Variants in LARP1B observed in about 807,000 individuals in gnomAD.
LARP1B encodes la-related protein 1B.
Under a neutral mutation model 114.2 loss-of-function variants are expected in LARP1B, and 76 were observed. That is an observed-to-expected ratio of 0.67 (90% CI 0.55 to 0.81). LARP1B has a LOEUF of 0.81. Among genes scored for constraint, LARP1B ranks in the 30% least tolerant of loss-of-function variants. LARP1B has a pLI of 0.00. For synonymous variants in LARP1B, 345 were observed against 348.0 expected (o/e 0.99, Z 0.10); for missense variants, 1,014 against 1,075.8 (o/e 0.94, Z 0.80).
At chr4:128,074,065 T>G (rs11098946) in intron 1 of LARP1B, among the ~76,000 whole-genome samples, 4 of 151,756 alleles carry the variant, frequency 2.6e-5, no homozygotes, top group African/African-American at 9.7e-5. Context: ...CTCAGCCTCC[T>G]GAGTATCTGG....
intron 12 of LARP1B, among the ~76,000 whole-genome samples, chr4:128,167,382 A>C (rs1422134072): frequency 6.6e-6 from 1 of 151,986 alleles, no homozygotes; most frequent in East Asian, 1.9e-4. Context: ...AGAGATCTCT[A>C]ATCAGGTCTT....
chr4:128,149,265 GGACCA>G (rs779729885), intron 11 of LARP1B, among the ~76,000 whole-genome samples: 1 of 152,108 alleles, frequency 6.6e-6, no homozygotes, highest in Non-Finnish European at 1.5e-5. Context: ...AGGTGAGGTG[GGACCA>G]GATTGCAAAG....
At chr4:128,155,330 T>G in intron 11 of LARP1B, 1 of 524,580 alleles carries the variant, frequency 1.9e-6, no homozygotes, top group Non-Finnish European at 3.4e-6. Context: ...GTGGTCAAAA[T>G]CTGGAAAGAG....
At chr4:128,189,823 C>T (rs1179591992) in intron 15 of LARP1B, among the ~76,000 whole-genome samples, 1 of 152,188 alleles carries the variant, frequency 6.6e-6, no homozygotes, top group Non-Finnish European at 1.5e-5. Flanking sequence ...AAACTCTACA[C>T]TTCAACTCCA....
chr4:128,169,705 C>T (rs1352705372), intron 12 of LARP1B, among the ~76,000 whole-genome samples: 1 of 152,008 alleles, frequency 6.6e-6, no homozygotes, highest in African/African-American at 2.4e-5. Context: ...GGTACAATCT[C>T]GGCTCACTGC....
At chr4:128,169,949 A>G (rs944124148) in intron 12 of LARP1B, among the ~76,000 whole-genome samples, 15 of 152,020 alleles carry the variant, frequency 9.9e-5, no homozygotes, top group African/African-American at 3.4e-4. Context: ...AATTCTATGT[A>G]TTTTTATTTA....
intron 17 of LARP1B, among the ~76,000 whole-genome samples, chr4:128,204,249 T>G (rs1047243304): frequency 2.6e-5 from 4 of 152,016 alleles, no homozygotes; most frequent in African/African-American, 9.7e-5. Context: ...CCTCAAAGAT[T>G]CTGGTTTTGG....
At chr4:128,149,951 G>T (rs554079245) in intron 11 of LARP1B, among the ~76,000 whole-genome samples, 86 of 152,280 alleles carry the variant, frequency 5.6e-4, no homozygotes, top group Non-Finnish European at 1.1e-3. Flanking sequence ...AGGAGTTCGA[G>T]ACCATCCTGG....
At chr4:128,205,877 A>C (rs1383879796) in intron 17 of LARP1B, among the ~76,000 whole-genome samples, 1 of 152,200 alleles carries the variant, frequency 6.6e-6, no homozygotes, top group Non-Finnish European at 1.5e-5. Flanking sequence ...GGTCATACTG[A>C]ACTGTCCAAG....
chr4:128,202,514 T>C (rs1414809887), intron 17 of LARP1B, among the ~76,000 whole-genome samples: 1 of 152,346 alleles, frequency 6.6e-6, no homozygotes, highest in East Asian at 1.9e-4. Flanking sequence ...AGGTAAAATA[T>C]TTTTCATGGT....
chr4:128,173,259 T>C (rs1219857015), intron 12 of LARP1B, among the ~76,000 whole-genome samples: 2 of 152,166 alleles, frequency 1.3e-5, no homozygotes, highest in African/African-American at 2.4e-5. Context: ...CATTTACATA[T>C]GGCCTCTCGC....
chr4:128,084,616 G>C (rs535123016), intron 5 of LARP1B, among the ~76,000 whole-genome samples: 1 of 151,924 alleles, frequency 6.6e-6, no homozygotes, highest in Non-Finnish European at 1.5e-5. Context: ...GAGACCGAGA[G>C]GGAGAGGGGA....
intron 10 of LARP1B, among the ~76,000 whole-genome samples, chr4:128,118,721 C>G (rs1167543726): frequency 6.6e-6 from 1 of 151,798 alleles, no homozygotes; most frequent in Non-Finnish European, 1.5e-5. Flanking sequence ...TTCATTATTT[C>G]CATCATTGTT....
At chr4:128,165,180 G>T (rs1740233002) in intron 12 of LARP1B, among the ~76,000 whole-genome samples, 2 of 151,652 alleles carry the variant, frequency 1.3e-5, no homozygotes, top group Admixed American at 1.3e-4. Context: ...CATCTGGAAG[G>T]TCTGCACATG....
chr4:128,150,962 C>T (rs1001121438), intron 11 of LARP1B, among the ~76,000 whole-genome samples: 10 of 152,118 alleles, frequency 6.6e-5, no homozygotes, highest in African/African-American at 1.7e-4. Flanking sequence ...CTTTGAAAGA[C>T]AATGCCATTT....
At chr4:128,133,526 C>T (rs1407913457) in intron 11 of LARP1B, among the ~76,000 whole-genome samples, 1 of 152,156 alleles carries the variant, frequency 6.6e-6, no homozygotes, top group Non-Finnish European at 1.5e-5. Flanking sequence ...CGTGGAATCT[C>T]ATGGGGCCTT....
At chr4:128,077,724 A>G (rs1388401525) in intron 3 of LARP1B, 64 bp from the exon 4 acceptor site, 30 of 1,440,726 alleles carry the variant, frequency 2.1e-5, no homozygotes, top group African/African-American at 4.3e-5. Flanking sequence ...TATTGCCACA[A>G]ATTTTTGGGT....
chr4:128,133,549 CATT>C (rs1321818197), intron 11 of LARP1B, among the ~76,000 whole-genome samples: 2 of 152,152 alleles, frequency 1.3e-5, no homozygotes, highest in African/African-American at 4.8e-5. Context: ...ATAGTCAAAA[CATT>C]ATTATTGAAA....
At chr4:128,125,984 C>A (rs772651038) in intron 11 of LARP1B, among the ~76,000 whole-genome samples, 2 of 152,032 alleles carry the variant, frequency 1.3e-5, no homozygotes, top group Non-Finnish European at 2.9e-5. Flanking sequence ...TATCTTAGAC[C>A]TCCTTTATTC....
Sources: gnomAD v4.1 joint callset for allele counts (sites outside exome capture counted in the v4.1 genomes callset) on GRCh38, gnomAD v4.1.1 for gene constraint, MANE v1.5 for transcripts, NCBI Gene and HGNC (gene_info 2026-07-23, HGNC 2026-07-21) for gene names.